PTPRM: variants seen among roughly 807,000 people sequenced by gnomAD.
PTPRM encodes receptor-type tyrosine-protein phosphatase mu.
PTPRM carries 47 observed loss-of-function variants against 186.7 expected under a neutral mutation model. The observed-to-expected ratio is 0.25, with a 90% CI of 0.20 to 0.32. The LOEUF (loss-of-function observed/expected upper bound fraction) is 0.32, where lower values mean the gene tolerates loss of function less well. Among genes scored for constraint, PTPRM ranks in the 10% least tolerant of loss-of-function variants. PTPRM has a pLI of 1.00. For missense variants in PTPRM, 1,494 were observed against 1,865.0 expected, an observed-to-expected ratio of 0.80 and a Z score of 3.66; for synonymous variants, 668 against 674.9, an observed-to-expected ratio of 0.99 and a Z score of 0.16.
At chr18:7,959,629 A>G (rs1242649769) in intron 7 of PTPRM, among the ~76,000 whole-genome samples, 1 of 152,230 alleles carries the variant, frequency 6.6e-6, no homozygotes, top group Non-Finnish European at 1.5e-5. Context: ...ATTTCCAAAT[A>G]TATGCACAAG....
At chr18:7,955,067 T>C in intron 6 of PTPRM, 54 bp from the exon 7 acceptor site, 1 of 1,500,698 alleles carries the variant, frequency 6.7e-7, no homozygotes. Flanking sequence ...TGTTTAGCTC[T>C]TTTAAGACTG....
chr18:7,829,834 C>T (rs927914019), intron 2 of PTPRM, among the ~76,000 whole-genome samples: 1 of 152,084 alleles, frequency 6.6e-6, no homozygotes, highest in African/African-American at 2.4e-5. Flanking sequence ...TCCCTCTCTC[C>T]CTCCCTCCTT....
chr18:7,812,444 G>A (rs1204539969), intron 2 of PTPRM, among the ~76,000 whole-genome samples: 1 of 152,318 alleles, frequency 6.6e-6, no homozygotes. Flanking sequence ...GACTGATGGT[G>A]AATGGTATTT....
chr18:8,197,584 A>G (rs1054199084), intron 14 of PTPRM, among the ~76,000 whole-genome samples: 1 of 152,202 alleles, frequency 6.6e-6, no homozygotes, highest in South Asian at 2.1e-4. Flanking sequence ...TTGGACATTC[A>G]TAAATTTATA....
chr18:7,940,938 G>A (rs1179397997), intron 5 of PTPRM, among the ~76,000 whole-genome samples: 2 of 152,092 alleles, frequency 1.3e-5, no homozygotes, highest in Non-Finnish European at 2.9e-5. Context: ...GGGTGTCAAA[G>A]AATATGCAGT....
At chr18:7,799,292 A>G (rs2043830768) in intron 2 of PTPRM, among the ~76,000 whole-genome samples, 2 of 152,122 alleles carry the variant, frequency 1.3e-5, no homozygotes, top group South Asian at 2.1e-4. Context: ...AATCCTCTCC[A>G]TGAGGACAGA....
At chr18:7,764,056 AATT>A (rs754703133) in intron 1 of PTPRM, among the ~76,000 whole-genome samples, 1 of 152,060 alleles carries the variant, frequency 6.6e-6, no homozygotes, top group Non-Finnish European at 1.5e-5. Flanking sequence ...TTAGGAGAAA[AATT>A]ATAGATCAGG....
chr18:8,045,415 T>C (rs1166061299), intron 7 of PTPRM, among the ~76,000 whole-genome samples: 1 of 152,158 alleles, frequency 6.6e-6, no homozygotes, highest in Non-Finnish European at 1.5e-5. Flanking sequence ...AAACAACATA[T>C]AGTTCTCATC....
chr18:8,157,116 C>G (rs1312945445), intron 14 of PTPRM, among the ~76,000 whole-genome samples: 2 of 152,138 alleles, frequency 1.3e-5, no homozygotes, highest in African/African-American at 4.8e-5. Context: ...ATGCCCACAC[C>G]TTGGTTCCGT....
chr18:7,899,101 C>T (rs999726546), intron 3 of PTPRM, among the ~76,000 whole-genome samples: 2 of 152,162 alleles, frequency 1.3e-5, no homozygotes, highest in African/African-American at 2.4e-5. Flanking sequence ...CTCATCTTAG[C>T]GTCCTTGCAC....
intron 13 of PTPRM, among the ~76,000 whole-genome samples, chr18:8,119,656 G>GA (rs551752124): frequency 1.5e-3 from 233 of 152,180 alleles, no homozygotes; most frequent in Non-Finnish European, 2.8e-3. Flanking sequence ...AAAGAATCCG[G>GA]AAAAACCCTA....
chr18:7,701,592 C>T (rs1038563482), intron 1 of PTPRM, among the ~76,000 whole-genome samples: 27 of 151,686 alleles, frequency 1.8e-4, no homozygotes, highest in African/African-American at 5.8e-4. Context: ...GAGGGAGACT[C>T]GTCTCAAAAA....
intron 7 of PTPRM, among the ~76,000 whole-genome samples, chr18:7,988,789 C>T (rs1416660608): frequency 6.6e-6 from 1 of 152,110 alleles, no homozygotes; most frequent in African/African-American, 2.4e-5. Flanking sequence ...GGATATACCA[C>T]ATTTTGTTTA....
chr18:7,700,108 C>CA (rs2039929584), intron 1 of PTPRM, among the ~76,000 whole-genome samples: 1 of 152,172 alleles, frequency 6.6e-6, no homozygotes, highest in Admixed American at 6.5e-5. Context: ...AATATGCAAT[C>CA]AGAGTCAGTT....
chr18:7,808,492 G>T (rs1385920594), intron 2 of PTPRM, among the ~76,000 whole-genome samples: 4 of 152,206 alleles, frequency 2.6e-5, no homozygotes, highest in Non-Finnish European at 4.4e-5. Flanking sequence ...GGAAAACATA[G>T]CCTGCCTTTC....
intron 2 of PTPRM, among the ~76,000 whole-genome samples, chr18:7,870,607 T>C (rs1427099884): frequency 6.6e-6 from 1 of 152,210 alleles, no homozygotes; most frequent in African/African-American, 2.4e-5. Flanking sequence ...AAATTGATGG[T>C]ACCCCATCCC....
At chr18:7,616,554 C>G (rs1415264217) in intron 1 of PTPRM, among the ~76,000 whole-genome samples, 1 of 152,108 alleles carries the variant, frequency 6.6e-6, no homozygotes, top group African/African-American at 2.4e-5. Context: ...GGCTCTCTAG[C>G]TGAGTGTTGC....
intron 1 of PTPRM, among the ~76,000 whole-genome samples, chr18:7,735,448 C>G: frequency 6.6e-6 from 1 of 150,714 alleles, no homozygotes; most frequent in African/African-American, 2.5e-5. Context: ...AACAAACAAA[C>G]ATTAAAACAG....
chr18:8,016,636 C>G (rs2084887657), intron 7 of PTPRM, among the ~76,000 whole-genome samples: 1 of 151,778 alleles, frequency 6.6e-6, no homozygotes. Context: ...TCAAAAGGAA[C>G]TGATTTCAGA....
Sources: allele counts gnomAD v4.1 joint callset (sites outside exome capture counted in the v4.1 genomes callset), GRCh38; gene constraint gnomAD v4.1.1; transcripts MANE v1.5; gene names NCBI Gene and HGNC (gene_info 2026-07-23, HGNC 2026-07-21).